Variants in SGMS1 observed in about 807,000 individuals in gnomAD.
SGMS1 encodes sphingomyelin synthase 1.
Under a neutral mutation model 46.2 loss-of-function variants are expected in SGMS1, and 13 were observed. The observed-to-expected ratio is 0.28, with a 90% confidence interval of 0.18 to 0.45. SGMS1 has a LOEUF of 0.45. Ranked by LOEUF, SGMS1 falls within the 20% of genes least tolerant of loss-of-function variation. The pLI, the probability that SGMS1 is intolerant of heterozygous loss-of-function variation, is 1.00. For synonymous variants in SGMS1, 203 were observed against 187.8 expected, an observed-to-expected ratio of 1.08 and a Z score of -0.66; for missense variants, 324 against 519.9, an observed-to-expected ratio of 0.62 and a Z score of 3.66.
At chr10:50,354,104 T>A (rs1487641813) in intron 6 of SGMS1, among the ~76,000 whole-genome samples, 1 of 146,390 alleles carries the variant, frequency 6.8e-6, no homozygotes, top group Non-Finnish European at 1.5e-5. Context: ...AAAGTTCATA[T>A]AGAATCAAAA....
intron 6 of SGMS1, among the ~76,000 whole-genome samples, chr10:50,424,834 C>G (rs1849300382): frequency 6.6e-6 from 1 of 151,540 alleles, no homozygotes; most frequent in South Asian, 2.1e-4. Context: ...ATCACTTGAA[C>G]CCAGGAGATG....
At chr10:50,333,250 C>T (rs920528369) in intron 7 of SGMS1, among the ~76,000 whole-genome samples, 2 of 152,134 alleles carry the variant, frequency 1.3e-5, no homozygotes, top group African/African-American at 4.8e-5. Context: ...ATGATGGTAC[C>T]TGTAATATGA....
chr10:50,569,139 C>T (rs1047080405), intron 2 of SGMS1, among the ~76,000 whole-genome samples: 5 of 150,748 alleles, frequency 3.3e-5, no homozygotes, highest in African/African-American at 1.2e-4. Context: ...ACATCACACA[C>T]TGGGGCCTGT....
intron 3 of SGMS1, among the ~76,000 whole-genome samples, chr10:50,496,099 T>C (rs1837613295): frequency 6.6e-6 from 1 of 152,214 alleles, no homozygotes; most frequent in Non-Finnish European, 1.5e-5. Context: ...TGCAGACAGA[T>C]ATTACAGTTC....
At chr10:50,583,404 T>C (rs534468302) in intron 2 of SGMS1, among the ~76,000 whole-genome samples, 26 of 152,326 alleles carry the variant, frequency 1.7e-4, no homozygotes, top group African/African-American at 5.3e-4. Context: ...TTCCCAGCTA[T>C]CATCAGTTCA....
rs750349777 is a variant in SGMS1, at chr10:50,458,339, C to CTTTTTTTTTTTTTTTTTTTTTTTT, written c.-313+2310_-313+2333dup. ...TCTGGCTCTGCTATTTTCTTTTTCT[C>CTTTTTTTTTTTTTTTTTTTTTTTT]TTTTTTTTTTTTTTTTTTTTTTTTT... On this transcript the variant is annotated intron_variant, in intron 5 of 10. Coordinates refer to ENST00000361781, the MANE Select transcript of SGMS1 (RefSeq NM_147156.4). 7.2e-5 allele frequency among the ~76,000 whole-genome samples: 7 copies of CTTTTTTTTTTTTTTTTTTTTTTTT among 97,140 alleles called. 1 individual carries two copies. The highest frequency in any genetic ancestry group is 9.6e-5 in the Non-Finnish European group (5 of 52,232). 63.7% of individuals were successfully genotyped at this position (97,140 alleles called of 152,430 possible). A position where few individuals can be genotyped will look rare whatever the true frequency, so the allele number is the denominator to read the frequency against.
intron 3 of SGMS1, among the ~76,000 whole-genome samples, chr10:50,509,875 G>A (rs1837738955): frequency 6.6e-6 from 1 of 152,116 alleles, no homozygotes; most frequent in South Asian, 2.1e-4. Context: ...TATTTTTGTT[G>A]GTGGTGTTTT....
intron 6 of SGMS1, among the ~76,000 whole-genome samples, chr10:50,391,855 A>T (rs1030427867): frequency 7.2e-5 from 11 of 151,826 alleles, no homozygotes; most frequent in Non-Finnish European, 1.3e-4. Flanking sequence ...AAAAAAAAAA[A>T]AAAGAATGAG....
intron 3 of SGMS1, among the ~76,000 whole-genome samples, chr10:50,485,837 T>C (rs934992805): frequency 1.3e-5 from 2 of 151,980 alleles, no homozygotes; most frequent in African/African-American, 4.8e-5. Flanking sequence ...GAGGCAAAGG[T>C]TGCAATGAGC....
intron 2 of SGMS1, among the ~76,000 whole-genome samples, chr10:50,554,187 G>C (rs892864458): frequency 6.6e-6 from 1 of 152,054 alleles, no homozygotes; most frequent in Non-Finnish European, 1.5e-5. Flanking sequence ...AAAACTTTAA[G>C]AGCCTTCTAT....
chr10:50,617,205 C>T (rs531358808), intron 1 of SGMS1, among the ~76,000 whole-genome samples: 2 of 152,112 alleles, frequency 1.3e-5, no homozygotes, highest in Admixed American at 6.5e-5. Context: ...GTACTTGATG[C>T]CACTGAATTA....
chr10:50,379,217 T>C (rs1206981119), intron 6 of SGMS1, among the ~76,000 whole-genome samples: 1 of 152,174 alleles, frequency 6.6e-6, no homozygotes, highest in Non-Finnish European at 1.5e-5. Flanking sequence ...AAGATGTGTG[T>C]TCAAAAGTGC....
intron 6 of SGMS1, among the ~76,000 whole-genome samples, chr10:50,375,058 G>A (rs1346380396): frequency 6.6e-6 from 1 of 151,986 alleles, no homozygotes; most frequent in Non-Finnish European, 1.5e-5. Context: ...CTAGGGCTGT[G>A]GTCAAGACTA....
intron 6 of SGMS1, among the ~76,000 whole-genome samples, chr10:50,362,930 G>C (rs11814641): frequency 0.014 from 2,190 of 152,226 alleles, 29 homozygotes; most frequent in Non-Finnish European, 0.021. Context: ...CAGATCAAAA[G>C]AGGAAGTGAA....
At chr10:50,591,482 A>C (rs1250045788) in intron 1 of SGMS1, among the ~76,000 whole-genome samples, 1 of 152,204 alleles carries the variant, frequency 6.6e-6, no homozygotes, top group Non-Finnish European at 1.5e-5. Context: ...TAATAGTACC[A>C]TTAATACTAT....
At chr10:50,374,666 T>C (rs1387167814) in intron 6 of SGMS1, among the ~76,000 whole-genome samples, 1 of 152,154 alleles carries the variant, frequency 6.6e-6, no homozygotes, top group Non-Finnish European at 1.5e-5. Flanking sequence ...TCCTGCTACC[T>C]TCCTGACCTC....
intron 2 of SGMS1, among the ~76,000 whole-genome samples, chr10:50,547,591 C>A (rs1479002998): frequency 6.6e-6 from 1 of 152,146 alleles, no homozygotes; most frequent in Non-Finnish European, 1.5e-5. Context: ...CATATAGATT[C>A]ACAGCTGAAT....
intron 9 of SGMS1, 66 bp downstream of exon 9, chr10:50,311,196 C>G: frequency 1.5e-5 from 23 of 1,557,572 alleles, no homozygotes; most frequent in Non-Finnish European, 2.0e-5. Context: ...ATGAGCTTTA[C>G]CAGAGGACCA....
chr10:50,492,245 T>A (rs2133740833), intron 3 of SGMS1, among the ~76,000 whole-genome samples: 1 of 152,316 alleles, frequency 6.6e-6, no homozygotes, highest in East Asian at 1.9e-4. Context: ...GCATTCTTCT[T>A]GAAAACTGCC....
Sources: allele counts gnomAD v4.1 joint callset (sites outside exome capture counted in the v4.1 genomes callset), GRCh38; gene constraint gnomAD v4.1.1; transcripts MANE v1.5; gene names NCBI Gene and HGNC (gene_info 2026-07-23, HGNC 2026-07-21).